The following MRTFA variants were observed in gnomAD, a reference collection of about 807,000 sequenced individuals.
The protein encoded by MRTFA is myocardin-related transcription factor A.
Under a neutral mutation model 83.5 loss-of-function variants are expected in MRTFA, and 20 were observed. That is an observed-to-expected ratio of 0.24 (90% confidence interval 0.17 to 0.35). The LOEUF is 0.35. Ranked by LOEUF, MRTFA falls within the 10% of genes least tolerant of loss-of-function variation. MRTFA has a pLI of 1.00. For synonymous variants in MRTFA, 659 were observed against 541.2 expected (o/e 1.22, Z -3.02); for missense variants, 1,200 against 1,224.7 (o/e 0.98, Z 0.30).
chr22:40,631,051 A>G (rs1033873899), intron 1 of MRTFA, among the ~76,000 whole-genome samples: 1 of 152,204 alleles, frequency 6.6e-6, no homozygotes, highest in Admixed American at 6.5e-5. Flanking sequence ...CAAGATGGTA[A>G]GAGACACCCT....
Position 40,416,944 on chromosome 22 carries a change from C to A in MRTFA, c.2578+42G>T. 6.4e-7 allele frequency: 1 copy of A among 1,556,164 alleles called. No individual in the cohort carries two copies. Among genetic ancestry groups the A allele is most frequent in the Middle Eastern group, 1.8e-4 (1 of 5,550 alleles). ...ACCCAGGGCTAGAGACACCTATGAA[C>A]AGAGAAGGCCGTCAGGGAGGCAGCA... On this transcript the variant is annotated intron_variant, in intron 14 of 14. Transcript: ENST00000355630. This position sits in a 1 kb window ranked among gnomAD's most constrained non-coding sequence, Gnocchi z 4.2.
At chr22:40,458,628 A>G (rs1379324073) in intron 4 of MRTFA, among the ~76,000 whole-genome samples, 1 of 152,194 alleles carries the variant, frequency 6.6e-6, no homozygotes, top group East Asian at 1.9e-4. Flanking sequence ...TCCTGGAGGC[A>G]GCAAAATTCA....
At chr22:40,574,161 G>A (rs2055836426) in intron 2 of MRTFA, among the ~76,000 whole-genome samples, 1 of 152,108 alleles carries the variant, frequency 6.6e-6, no homozygotes, top group Non-Finnish European at 1.5e-5. Flanking sequence ...CTCTCAACTT[G>A]TGCTAAGGTG....
In MRTFA at chr22:40,603,948, G is replaced by A. The variant is rs149495831; in HGVS notation, c.-83-9213C>T. On this transcript the variant is annotated intron_variant, in intron 1 of 14. Transcript: ENST00000355630. ...GTTGAAACTGGGTGACAGGCCCATG[G>A]TGGTGGTTCATTGCATTATTCTCCT... Among the ~76,000 whole-genome samples the A allele has an allele frequency of 2.0e-5, 3 of 151,864 alleles. No homozygotes were observed. In the East Asian group the frequency reaches 5.8e-4, roughly 29 times the overall value.
At chr22:40,503,715 T>A (rs974256937) in intron 3 of MRTFA, among the ~76,000 whole-genome samples, 1 of 152,058 alleles carries the variant, frequency 6.6e-6, no homozygotes, top group Non-Finnish European at 1.5e-5. Context: ...TCACTTGAGG[T>A]CAGGAGTTGG....
At chr22:40,414,060 G>A (rs1000849799) in intron 14 of MRTFA, among the ~76,000 whole-genome samples, 4 of 152,148 alleles carry the variant, frequency 2.6e-5, no homozygotes, top group Non-Finnish European at 2.9e-5. Context: ...CATATGAGGC[G>A]GGGTGCGTTG....
chr22:40,581,044 T>C (rs1033750628), intron 2 of MRTFA, among the ~76,000 whole-genome samples: 10 of 152,132 alleles, frequency 6.6e-5, no homozygotes, highest in African/African-American at 2.4e-4. Flanking sequence ...CTTGAACTCC[T>C]GGCCTCAAGC....
At chr22:40,571,487 A>T (rs957866558) in intron 2 of MRTFA, among the ~76,000 whole-genome samples, 2 of 152,134 alleles carry the variant, frequency 1.3e-5, no homozygotes, top group Non-Finnish European at 2.9e-5. Context: ...AAGAGGTGAA[A>T]AAGAAAACTC....
At chr22:40,471,826 C>T (rs778694129) in intron 3 of MRTFA, among the ~76,000 whole-genome samples, 3 of 152,132 alleles carry the variant, frequency 2.0e-5, no homozygotes, top group Non-Finnish European at 2.9e-5. Flanking sequence ...GAGCTGAGAC[C>T]ACACCACTGC....
intron 3 of MRTFA, among the ~76,000 whole-genome samples, chr22:40,507,436 C>A (rs2054597768): frequency 1.3e-5 from 2 of 151,940 alleles, no homozygotes; most frequent in Non-Finnish European, 2.9e-5. Context: ...AGTTCGAGAC[C>A]AGCCTGGGTA....
chr22:40,497,862 A>G (rs6001942), intron 3 of MRTFA, among the ~76,000 whole-genome samples: 19,097 of 150,676 alleles, frequency 0.13, 1,386 homozygotes, highest in East Asian at 0.25. Context: ...GGCCGGGCAC[A>G]GTAGCTCACA....
At chr22:40,633,717 T>A (rs983960852) in intron 1 of MRTFA, among the ~76,000 whole-genome samples, 2 of 152,172 alleles carry the variant, frequency 1.3e-5, no homozygotes, top group Admixed American at 1.3e-4. Flanking sequence ...ATATAAAGCT[T>A]ATAAAGATAA....
At chr22:40,619,889 C>CAAAAA (rs1213944103) in intron 1 of MRTFA, among the ~76,000 whole-genome samples, 1 of 52,428 alleles carries the variant, frequency 1.9e-5, no homozygotes, top group Non-Finnish European at 3.8e-5. Flanking sequence ...AACTCCGTCT[C>CAAAAA]AAAAAAAAAA....
At position 40,418,635 on chromosome 22, in the gene MRTFA, C is replaced by G; in HGVS notation, c.2103G>C (p.Leu701=). 1 of 1,526,414 alleles carries G rather than the reference C, an allele frequency of 6.6e-7. No homozygotes were observed. Among genetic ancestry groups the G allele is most frequent in the African/African-American group, 1.4e-5 (1 of 71,462 alleles). 94.6% of individuals were successfully genotyped at this position (1,526,414 alleles called of 1,614,324 possible). A position where few individuals can be genotyped will look rare whatever the true frequency, so the allele number is the denominator to read the frequency against. ...CTATGTGGTTGGTGGCTGGGGCCGC[C>G]AGGCTGGGGTTGAATGGGTGAGCGG... Residue 701 remains leucine (L), a synonymous_variant, in exon 12 of 15, where the codon CTG becomes CTC. Coordinates refer to ENST00000355630, the MANE Select transcript of MRTFA (RefSeq NM_020831.6).
At chr22:40,480,743 CTTT>C (rs758150714) in intron 3 of MRTFA, among the ~76,000 whole-genome samples, 1 of 93,542 alleles carries the variant, frequency 1.1e-5, no homozygotes. Context: ...GAGTTCAAGA[CTTT>C]TTTTTTTTTT....
chr22:40,414,732 C>T (rs1268077946), intron 14 of MRTFA, among the ~76,000 whole-genome samples: 3 of 152,138 alleles, frequency 2.0e-5, no homozygotes, highest in Non-Finnish European at 2.9e-5. Flanking sequence ...TGGGGAGTTA[C>T]TGTCTAATGG....
chr22:40,601,630 T>C (rs1307342771), intron 1 of MRTFA, among the ~76,000 whole-genome samples: 2 of 152,078 alleles, frequency 1.3e-5, no homozygotes, highest in East Asian at 1.9e-4. Context: ...AGTTATCACA[T>C]AGATGACAAA....
At position 40,418,466 on chromosome 22, in the gene MRTFA, G is replaced by A. The variant is rs761038749; in HGVS notation, c.2272C>T (p.Leu758Phe). The A allele has an allele frequency of 6.2e-7, 1 of 1,613,762 alleles. No individual in the cohort carries two copies. The highest frequency in any genetic ancestry group is 8.5e-7 in the Non-Finnish European group (1 of 1,179,798). Reference sequence around the variant, plus strand: ...TGGGTCCCTGTGGAGTCGGTGATGAGGGTGGGAGGTGCAACCCCCTTGATG... The same window carrying A: ...TGGGTCCCTGTGGAGTCGGTGATGAAGGTGGGAGGTGCAACCCCCTTGATG... The change falls in exon 12 of 15, where the codon CTC becomes TTC. Residue 758 changes from leucine to phenylalanine, a missense_variant. Leu to Phe is a conservative substitution (Grantham distance 22, BLOSUM62 0). Transcript: ENST00000355630.
chr22:40,585,880 A>T (rs1399538278), intron 2 of MRTFA, among the ~76,000 whole-genome samples: 1 of 152,232 alleles, frequency 6.6e-6, no homozygotes, highest in African/African-American at 2.4e-5. Flanking sequence ...TGCAATTCAT[A>T]ATACACAGGT....
Sources: gnomAD v4.1 joint callset for allele counts (sites outside exome capture counted in the v4.1 genomes callset) on GRCh38, gnomAD v4.1.1 for gene constraint, Gnocchi (gnomAD v3.1) non-coding constraint, MANE v1.5 for transcripts, NCBI Gene and HGNC (gene_info 2026-07-23, HGNC 2026-07-21) for gene names.